Variants in TMEM177 observed in about 807,000 individuals in gnomAD.
TMEM177 encodes the protein transmembrane protein 177.
TMEM177 carries 4 observed loss-of-function variants against 14.2 expected under a neutral mutation model. The ratio of observed to expected loss-of-function variants is 0.28; its 90% CI spans 0.14 to 0.64. The LOEUF (loss-of-function observed/expected upper bound fraction) is 0.64. Ranked by LOEUF, TMEM177 falls within the 30% of genes least tolerant of loss-of-function variation. The pLI, the probability that TMEM177 is intolerant of heterozygous loss-of-function variation, is 0.82. For synonymous variants in TMEM177, 179 were observed against 174.5 expected, an observed-to-expected ratio of 1.03 and a Z score of -0.20; for missense variants, 344 against 405.2, an observed-to-expected ratio of 0.85 and a Z score of 1.30.
At chr2:119,680,734 TGTTACTTTG>T in intron 1 of TMEM177, 89 bp from the exon 2 acceptor site, 1 of 880,522 alleles carries the variant, frequency 1.1e-6, no homozygotes, top group Non-Finnish European at 1.7e-6. Context: ...CACTATGCTG[TGTTACTTTG>T]GTTTAAAAAG....
chr2:119,687,358 ATGC>A (rs1365468333), downstream of TMEM177, among the ~76,000 whole-genome samples: 2 of 152,240 alleles, frequency 1.3e-5, no homozygotes, highest in Non-Finnish European at 2.9e-5. Flanking sequence ...ATCCATTCTC[ATGC>A]TGCTATGAAG....
the TMEM177 span, among the ~76,000 whole-genome samples, chr2:119,693,896 C>T: frequency 5.5e-4 from 10 of 18,154 alleles, no homozygotes; most frequent in African/African-American, 1.9e-3. Context: ...ATACCACATA[C>T]ACCACACATC....
the TMEM177 span, among the ~76,000 whole-genome samples, chr2:119,697,717 TCA>T: frequency 6.6e-6 from 1 of 152,056 alleles, no homozygotes; most frequent in Non-Finnish European, 1.5e-5. Context: ...TCTCTCTCTC[TCA>T]CTCTGGATTC....
the TMEM177 span, among the ~76,000 whole-genome samples, chr2:119,692,921 G>A: frequency 1.5e-5 from 2 of 137,096 alleles, no homozygotes; most frequent in African/African-American, 2.7e-5. Context: ...GCAGTGAGCC[G>A]AGATCACGCC....
chr2:119,687,514 C>T (rs1369718070), downstream of TMEM177, among the ~76,000 whole-genome samples: 1 of 152,138 alleles, frequency 6.6e-6, no homozygotes, highest in African/African-American at 2.4e-5. Flanking sequence ...TGAGTGTCAG[C>T]AGGGAAAATG....
downstream of TMEM177, among the ~76,000 whole-genome samples, chr2:119,683,737 G>A (rs1202522824): frequency 2.0e-5 from 3 of 152,104 alleles, no homozygotes; most frequent in Non-Finnish European, 4.4e-5. Flanking sequence ...CAACCTTGGC[G>A]CACACATCCT....
chr2:119,717,550 G>A, the TMEM177 span, among the ~76,000 whole-genome samples: 1 of 149,706 alleles, frequency 6.7e-6, no homozygotes, highest in Non-Finnish European at 1.5e-5. Context: ...CTAGGCCACA[G>A]CTTCTTGGAA....
chr2:119,688,278 G>A (rs1404723105), downstream of TMEM177, among the ~76,000 whole-genome samples: 1 of 152,196 alleles, frequency 6.6e-6, no homozygotes, highest in Non-Finnish European at 1.5e-5. Flanking sequence ...AAGTAGTTGT[G>A]TTATAGGGGA....
the TMEM177 span, among the ~76,000 whole-genome samples, chr2:119,718,264 G>A: frequency 6.6e-6 from 1 of 152,198 alleles, no homozygotes; most frequent in Non-Finnish European, 1.5e-5. Context: ...GTGTCAGGCT[G>A]AAATCACCAT....
downstream of TMEM177, among the ~76,000 whole-genome samples, chr2:119,682,691 C>T (rs376170540): frequency 7.8e-4 from 119 of 152,298 alleles, 2 homozygotes; most frequent in South Asian, 0.014. Flanking sequence ...AGGAACAAAC[C>T]ATTGTAAGAC....
the TMEM177 span, among the ~76,000 whole-genome samples, chr2:119,705,894 T>C: frequency 6.6e-6 from 1 of 151,220 alleles, no homozygotes; most frequent in East Asian, 1.9e-4. Context: ...CCTTCCATGT[T>C]ATCTACTTGC....
the TMEM177 span, among the ~76,000 whole-genome samples, chr2:119,703,054 C>T: frequency 6.6e-6 from 1 of 152,222 alleles, no homozygotes; most frequent in Non-Finnish European, 1.5e-5. Flanking sequence ...AGGGCGTGGC[C>T]GGCTCAGCAG....
chr2:119,685,782 A>T, downstream of TMEM177: 2 of 716,560 alleles, frequency 2.8e-6, no homozygotes, highest in South Asian at 3.0e-5. Flanking sequence ...CTAAATTTAT[A>T]CTGTCCTATT....
the TMEM177 span, among the ~76,000 whole-genome samples, chr2:119,723,245 C>T: frequency 8.5e-5 from 13 of 152,116 alleles, no homozygotes; most frequent in African/African-American, 1.7e-4. Context: ...TTTCCCAGGC[C>T]GGTCTGAGTC....
the TMEM177 span, among the ~76,000 whole-genome samples, chr2:119,712,451 T>C: frequency 1.3e-5 from 2 of 151,718 alleles, no homozygotes; most frequent in Admixed American, 1.3e-4. Flanking sequence ...GTCATTTGAG[T>C]GGACGCTAAT....
At chr2:119,713,743 AG>A in the TMEM177 span, among the ~76,000 whole-genome samples, 1 of 152,146 alleles carries the variant, frequency 6.6e-6, no homozygotes, top group Non-Finnish European at 1.5e-5. Context: ...CAGAGGTGAG[AG>A]GATCACTTGA....
chr2:119,693,772 G>C, the TMEM177 span, among the ~76,000 whole-genome samples: 12 of 150,846 alleles, frequency 8.0e-5, no homozygotes, highest in Non-Finnish European at 1.8e-4. Flanking sequence ...CATGACCGCT[G>C]CCCACCAGCT....
the TMEM177 span, among the ~76,000 whole-genome samples, chr2:119,711,330 C>A: frequency 6.6e-6 from 1 of 152,284 alleles, no homozygotes; most frequent in Non-Finnish European, 1.5e-5. Flanking sequence ...TTGTGCCCCA[C>A]GGAGTTCAAA....
At chr2:119,706,213 A>G in the TMEM177 span, among the ~76,000 whole-genome samples, 1 of 151,918 alleles carries the variant, frequency 6.6e-6, no homozygotes, top group African/African-American at 2.4e-5. Flanking sequence ...TTTAGTAGAC[A>G]CGGGGTTTCG....
Sources: gnomAD v4.1 joint callset for allele counts (sites outside exome capture counted in the v4.1 genomes callset) on GRCh38, gnomAD v4.1.1 for gene constraint, MANE v1.5 for transcripts, NCBI Gene and HGNC (gene_info 2026-07-23, HGNC 2026-07-21) for gene names.